ADTRP: variants seen among roughly 807,000 people sequenced by gnomAD.
The protein encoded by ADTRP is androgen dependent TFPI regulating protein.
Under a neutral mutation model 27.0 loss-of-function variants are expected in ADTRP, and 20 were observed. The ratio of observed to expected loss-of-function variants is 0.74; its 90% CI spans 0.52 to 1.08. ADTRP has a LOEUF of 1.08. Ranked by LOEUF, ADTRP falls within the 50% of genes least tolerant of loss-of-function variation. ADTRP has a pLI of 0.00. For synonymous variants in ADTRP, 101 were observed against 105.2 expected, an observed-to-expected ratio of 0.96 and a Z score of 0.25; for missense variants, 251 against 275.0, an observed-to-expected ratio of 0.91 and a Z score of 0.62.
chr6:11,735,174 C>T (rs1170319407), intron 4 of ADTRP, among the ~76,000 whole-genome samples: 3 of 152,234 alleles, frequency 2.0e-5, no homozygotes. Context: ...CTAGCATGCT[C>T]TGCCCACTAA....
chr6:11,723,591 C>G (rs1762088529), intron 4 of ADTRP, 91 bp from the exon 5 acceptor site: 1 of 1,472,372 alleles, frequency 6.8e-7, no homozygotes, highest in Non-Finnish European at 9.3e-7. Flanking sequence ...GGTACCCAGG[C>G]AGGGGAAGAG....
At chr6:11,731,550 T>C (rs186950240) in intron 4 of ADTRP, among the ~76,000 whole-genome samples, 1 of 152,286 alleles carries the variant, frequency 6.6e-6, no homozygotes, top group Admixed American at 6.5e-5. Flanking sequence ...CACAAACAGG[T>C]CCAGCAAAGA....
intron 3 of ADTRP, among the ~76,000 whole-genome samples, chr6:11,736,928 TC>T (rs1282251369): frequency 6.6e-6 from 1 of 151,956 alleles, no homozygotes; most frequent in African/African-American, 2.4e-5. Flanking sequence ...CCCTATGTCC[TC>T]CCCCTCCTTC....
At position 11,766,262 on chromosome 6, in the gene ADTRP, C is replaced by T. The variant is rs952406165; in HGVS notation, c.390+12G>A. 4 of 1,591,830 alleles carry T rather than the reference C, an allele frequency of 2.5e-6. No homozygotes were observed. Among genetic ancestry groups the T allele is most frequent in the African/African-American group, 1.3e-5 (1 of 74,260 alleles). ...TGGTGTTCTGAGTTCACTGAATTTT[C>T]CCCTCACTCACCATTGCATGATTCA... On this transcript the variant is annotated intron_variant, in intron 3 of 5. Transcript: ENST00000414691.
rs59048593 is a variant in ADTRP, at chr6:11,725,899, C to CAAAA, written c.507-2403_507-2400dup. Reference sequence around the variant, plus strand: ...TGGGCGAGAGAATGAGACTCTATCTCAAAAAAAAAAAAAAAAGGAATTGAA... The same window carrying CAAAA: ...TGGGCGAGAGAATGAGACTCTATCTCAAAAAAAAAAAAAAAAAAAAGGAATTGAA... On this transcript the variant is annotated intron_variant, in intron 4 of 5. Transcript: ENST00000414691. Among the ~76,000 whole-genome samples, 6 of 89,942 alleles carry CAAAA rather than the reference C, an allele frequency of 6.7e-5. 1 individual carries two copies. The highest frequency in any genetic ancestry group is 2.7e-4 in the Admixed American group (2 of 7,454). 59.0% of individuals were successfully genotyped at this position (89,942 alleles called of 152,430 possible). A position where few individuals can be genotyped will look rare whatever the true frequency, so the allele number is the denominator to read the frequency against.
At chr6:11,742,607 TGAAA>T (rs1401107589) in intron 3 of ADTRP, among the ~76,000 whole-genome samples, 1 of 152,216 alleles carries the variant, frequency 6.6e-6, no homozygotes, top group Non-Finnish European at 1.5e-5. Context: ...GCATTAGGCC[TGAAA>T]GAAATTACTA....
chr6:11,756,628 A>T (rs1008697162), intron 3 of ADTRP, among the ~76,000 whole-genome samples: 5 of 152,230 alleles, frequency 3.3e-5, no homozygotes, highest in Non-Finnish European at 5.9e-5. Flanking sequence ...AACTATGCAG[A>T]TAGTAGATGC....
At chr6:11,768,164 G>T in intron 2 of ADTRP, 85 bp downstream of exon 2, 2 of 1,523,688 alleles carry the variant, frequency 1.3e-6, no homozygotes, top group South Asian at 1.3e-5. Context: ...CCAATTATGG[G>T]CTCCCAAACA....
chr6:11,725,599 C>T (rs1762164253), intron 4 of ADTRP, among the ~76,000 whole-genome samples: 1 of 152,130 alleles, frequency 6.6e-6, no homozygotes, highest in Admixed American at 6.5e-5. Flanking sequence ...GAAGATGGTA[C>T]ATCTGCCTTG....
chr6:11,761,886 A>G (rs1763398782), intron 3 of ADTRP, among the ~76,000 whole-genome samples: 1 of 152,154 alleles, frequency 6.6e-6, no homozygotes, highest in Non-Finnish European at 1.5e-5. Flanking sequence ...AGTTGTACCA[A>G]GGTATGTAGA....
At chr6:11,763,453 C>T (rs781773923) in intron 3 of ADTRP, among the ~76,000 whole-genome samples, 2 of 152,014 alleles carry the variant, frequency 1.3e-5, no homozygotes, top group Non-Finnish European at 2.9e-5. Context: ...ATGGCACTGG[C>T]GATGGAAGGC....
At position 11,714,006 on chromosome 6, in the gene ADTRP, A is replaced by G. The variant is rs1218511733; in HGVS notation, c.*472T>C. ...AAAAAAAAAAAAATGGCCCAGGACC[A>G]GTAGCTAGGAGATCTGGGAGAGAGA... On this transcript the variant is annotated 3_prime_UTR_variant, in exon 6 of 6. Transcript: ENST00000414691. 1 of 152,518 alleles carries G rather than the reference A, an allele frequency of 6.6e-6. No individual in the cohort carries two copies. Among genetic ancestry groups the G allele is most frequent in the Admixed American group, 6.5e-5 (1 of 15,268 alleles). The allele number at this position is 152,518 out of a possible 1,614,324, so 9.4% of individuals were successfully genotyped here. A position where few individuals can be genotyped will look rare whatever the true frequency, so the allele number is the denominator to read the frequency against.
intron 3 of ADTRP, among the ~76,000 whole-genome samples, chr6:11,751,694 C>T (rs1426131164): frequency 6.6e-6 from 1 of 152,208 alleles, no homozygotes; most frequent in African/African-American, 2.4e-5. Flanking sequence ...GTTCTGAGAT[C>T]CTATTTCTTC....
At chr6:11,749,462 C>T (rs956477766) in intron 3 of ADTRP, among the ~76,000 whole-genome samples, 2 of 151,978 alleles carry the variant, frequency 1.3e-5, no homozygotes. Flanking sequence ...ACACTCAGCA[C>T]ATGGAAAGAA....
intron 4 of ADTRP, among the ~76,000 whole-genome samples, chr6:11,727,034 CT>C (rs1353655773): frequency 6.6e-6 from 1 of 151,880 alleles, no homozygotes; most frequent in Non-Finnish European, 1.5e-5. Context: ...AATTCTTTTT[CT>C]TTTTTTAGAT....
chr6:11,738,365 G>A (rs950732051), intron 3 of ADTRP, among the ~76,000 whole-genome samples: 2 of 152,204 alleles, frequency 1.3e-5, no homozygotes, highest in Non-Finnish European at 2.9e-5. Flanking sequence ...TTGGAGCCCT[G>A]CTGATGCTCA....
chr6:11,763,808 G>C (rs1250836887), intron 3 of ADTRP, among the ~76,000 whole-genome samples: 2 of 152,264 alleles, frequency 1.3e-5, no homozygotes, highest in Non-Finnish European at 2.9e-5. Flanking sequence ...CTAGAAGACA[G>C]AGATGAGATA....
Position 11,768,314 on chromosome 6 carries a change from C to A in ADTRP, c.223G>T (p.Asp75Tyr). 6.2e-7 allele frequency: 1 copy of A among 1,614,226 alleles called. No individual in the cohort carries two copies. Among genetic ancestry groups the A allele is most frequent in the South Asian group, 1.1e-5 (1 of 91,082 alleles). ...CTGAAGGCAGTTAGGAACTTAATGTCTTTTCCCCCTTTGGTTCTTTTCAGC... is the reference window on the plus strand; with the variant it reads ...CTGAAGGCAGTTAGGAACTTAATGTATTTTCCCCCTTTGGTTCTTTTCAGC... Reference protein sequence around the residue: ...DVLKRTKGGKDIKFLTAFRDL... With the variant: ...DVLKRTKGGKYIKFLTAFRDL... Residue 75 changes from aspartate (D) to tyrosine (Y), a missense_variant, in exon 2 of 6, where the codon GAC becomes TAC. By Grantham distance (160) the Asp-to-Tyr change is radical (BLOSUM62 -3). Coordinates refer to ENST00000414691, the MANE Select transcript of ADTRP (RefSeq NM_032744.4).
rs190820481 is a variant in ADTRP, at chr6:11,718,815, G to A, written c.659-4303C>T. On this transcript the variant is annotated intron_variant, in intron 5 of 5. Coordinates refer to ENST00000414691, the MANE Select transcript of ADTRP (RefSeq NM_032744.4). ...ACAGGTCAGGCCAGGTGGCCCTGAG[G>A]AACCTCTTGTGAGCTTTTTGAGCCT... is the stretch of plus-strand genomic sequence containing the variant. Among the ~76,000 whole-genome samples the A allele has an allele frequency of 5.3e-3, 807 of 152,338 alleles. 1 individual carries two copies. The highest frequency in any genetic ancestry group is 8.2e-3 in the Non-Finnish European group (559 of 68,032).
Sources: gnomAD v4.1 joint callset for allele counts (sites outside exome capture counted in the v4.1 genomes callset) on GRCh38, gnomAD v4.1.1 for gene constraint, MANE v1.5 for transcripts, NCBI Gene and HGNC (gene_info 2026-07-23, HGNC 2026-07-21) for gene names.